BBS7: variants seen among roughly 807,000 people sequenced by gnomAD.
BBS7 encodes Bardet-Biedl syndrome 7.
BBS7 carries 50 observed loss-of-function variants against 90.3 expected under a neutral mutation model. The observed-to-expected ratio is 0.55, with a 90% confidence interval of 0.44 to 0.70. The LOEUF is 0.70. Ranked by LOEUF, BBS7 falls within the 30% of genes least tolerant of loss-of-function variation. BBS7 has a pLI of 0.00. For missense variants in BBS7, 729 were observed against 838.9 expected (o/e 0.87, Z 1.62); for synonymous variants, 235 against 287.4 (o/e 0.82, Z 1.85).
chr4:121,828,217 C>T lies in BBS7; in HGVS notation c.1943G>A (p.Cys648Tyr). 6.2e-7 allele frequency: 1 copy of T among 1,613,686 alleles called. No homozygotes were observed. The highest frequency in any genetic ancestry group is 8.5e-7 in the Non-Finnish European group (1 of 1,179,728). ...TAGGTGATCTGCCTCTTCTAGAATA[C>T]AGTGATATTCTGGTATCAGAAAGTT... ...NTNFLIPEYH[C>Y]ILEEADHLQE... The change falls in exon 18 of 19, where the codon TGT becomes TAT. Residue 648 changes from cysteine to tyrosine, a missense_variant. Transcript: ENST00000264499.
intron 5 of BBS7, among the ~76,000 whole-genome samples, chr4:121,857,026 C>T (rs1389953791): frequency 1.3e-5 from 2 of 152,136 alleles, no homozygotes; most frequent in Non-Finnish European, 1.5e-5. Context: ...GCCTCAGCCT[C>T]CCACAGTGCT....
intron 18 of BBS7, 76 bp from the exon 19 acceptor site, chr4:121,826,069 C>T (rs1410123930): frequency 8.2e-7 from 1 of 1,220,758 alleles, no homozygotes; most frequent in East Asian, 2.4e-5. Flanking sequence ...AAAGTAATTG[C>T]TTGATAATCT....
At chr4:121,851,158 G>T (rs6813653) in intron 8 of BBS7, among the ~76,000 whole-genome samples, 1 of 151,814 alleles carries the variant, frequency 6.6e-6, no homozygotes, top group East Asian at 1.9e-4. Context: ...GTTTATCAGG[G>T]AACTATTAAT....
intron 3 of BBS7, among the ~76,000 whole-genome samples, chr4:121,862,661 GGCT>G (rs948231460): frequency 1.6e-4 from 24 of 152,138 alleles, no homozygotes; most frequent in African/African-American, 5.8e-4. Flanking sequence ...ATTTCCTGCT[GGCT>G]TTGATGAATT....
Position 121,828,605 on chromosome 4 carries a change from T to C in BBS7, c.1786+14A>G. 1 of 1,568,434 alleles carries C rather than the reference T, an allele frequency of 6.4e-7. No individual in the cohort carries two copies. ...AATAAACATCAGAAAGAATTATTAA[T>C]TTTGTTTGTTTACCGTATGATATGT... On this transcript the variant is annotated intron_variant, in intron 16 of 18. Coordinates refer to ENST00000264499, the MANE Select transcript of BBS7 (RefSeq NM_176824.3).
chr4:121,833,333 A>C lies in BBS7; in HGVS notation c.1574T>G (p.Val525Gly), dbSNP rs746759579. 2.5e-6 allele frequency: 4 copies of C among 1,614,012 alleles called. No individual in the cohort carries two copies. In the Admixed American group the frequency reaches 6.7e-5, roughly 27 times the overall value. Residue 525 changes from valine (V) to glycine (G), a missense_variant, in exon 15 of 19, where the codon GTT becomes GGT. Transcript: ENST00000264499. ...FSFAEVHSWVVFCLPEVPEKP... is the reference protein window; with the variant it reads ...FSFAEVHSWVGFCLPEVPEKP... ...TTCTGGAACTTCAGGCAGACAAAAA[A>C]CCACCCAGGAGTGAACTTCAGCAAA...
intron 13 of BBS7, 120 bp downstream of exon 13, chr4:121,839,511 C>T: frequency 1.1e-6 from 1 of 872,878 alleles, no homozygotes; most frequent in Non-Finnish European, 1.9e-6. Flanking sequence ...TTCATTACTC[C>T]AAACAATTCA....
chr4:121,863,720 CAT>C (rs1257944173), intron 2 of BBS7, among the ~76,000 whole-genome samples: 4 of 151,834 alleles, frequency 2.6e-5, no homozygotes, highest in African/African-American at 9.7e-5. Context: ...TTGTGACTGA[CAT>C]ATTTAATAAT....
intron 13 of BBS7, among the ~76,000 whole-genome samples, chr4:121,838,706 T>C (rs1348884321): frequency 6.6e-6 from 1 of 151,048 alleles, no homozygotes; most frequent in African/African-American, 2.4e-5. Context: ...CTGGCCAACG[T>C]GGCAAAACCC....
At chr4:121,849,481 G>A (rs1560655012) in intron 8 of BBS7, among the ~76,000 whole-genome samples, 1 of 152,166 alleles carries the variant, frequency 6.6e-6, no homozygotes, top group Non-Finnish European at 1.5e-5. Context: ...GATTATAGGC[G>A]TGAACCACAG....
intron 13 of BBS7, among the ~76,000 whole-genome samples, chr4:121,835,976 A>G (rs1725433123): frequency 6.6e-6 from 1 of 152,186 alleles, no homozygotes; most frequent in Non-Finnish European, 1.5e-5. Flanking sequence ...TACATGTACA[A>G]AAAAAGAGAG....
intron 2 of BBS7, 21 bp from the exon 3 acceptor site, chr4:121,863,300 T>A (rs1310705282): frequency 1.3e-6 from 2 of 1,587,008 alleles, no homozygotes; most frequent in African/African-American, 1.3e-5. Flanking sequence ...TGGAAGATAA[T>A]CTAAAATTAC....
intron 2 of BBS7, 137 bp from the exon 3 acceptor site, chr4:121,863,416 C>A: frequency 1.5e-6 from 1 of 685,372 alleles, no homozygotes. Flanking sequence ...GACACCCCCA[C>A]AAAAAATAAT....
Position 121,828,387 on chromosome 4 carries a change from G to T in BBS7, c.1890+15C>A, listed in dbSNP as rs761350391. On this transcript the variant is annotated intron_variant, in intron 17 of 18. Transcript: ENST00000264499. ...CAAATAATAATCACCAGTCCACGAC[G>T]ACACATGTACTTACTTTTAAAGCAT... 1 of 1,604,976 alleles carries T rather than the reference G, an allele frequency of 6.2e-7. No homozygotes were observed. Among genetic ancestry groups the T allele is most frequent in the African/African-American group, 1.3e-5 (1 of 74,822 alleles).
intron 7 of BBS7, among the ~76,000 whole-genome samples, chr4:121,853,548 T>C (rs918716958): frequency 6.6e-6 from 1 of 151,576 alleles, no homozygotes; most frequent in African/African-American, 2.4e-5. Context: ...ATATCAAAAC[T>C]GCTAGCAAAT....
rs759359910 is a variant in BBS7, at chr4:121,828,464, G to C, written c.1828C>G (p.His610Asp). The change falls in exon 17 of 19, where the codon CAC (histidine) becomes GAC (aspartate). Residue 610 changes from histidine to aspartate, a missense_variant. His to Asp is a moderately conservative substitution (Grantham distance 81). Transcript: ENST00000264499. ...AGCAACTGGTACTCCAGCTTTGGGT[G>C]GATTAGCTTTAAAGTGTGTTTGACT... ...VSVKHTLKLI[H>D]PKLEYQLLLA... The C allele has an allele frequency of 1.9e-6, 3 of 1,613,880 alleles. No individual in the cohort carries two copies. The highest frequency in any genetic ancestry group is 1.7e-6 in the Non-Finnish European group (2 of 1,179,892).
intron 5 of BBS7, 83 bp from the exon 6 acceptor site, chr4:121,855,644 T>C: frequency 8.4e-7 from 1 of 1,190,780 alleles, no homozygotes; most frequent in Non-Finnish European, 1.2e-6. Context: ...AATATTCAAA[T>C]ACAGTACTCT....
intron 1 of BBS7, 31 bp from the exon 2 acceptor site, chr4:121,868,077 T>C: frequency 6.4e-7 from 1 of 1,566,748 alleles, no homozygotes; most frequent in Non-Finnish European, 8.8e-7. Flanking sequence ...CCTAGTGAAT[T>C]TAATTTGAAG....
chr4:121,824,732 TTAAAA>T lies in BBS7; in HGVS notation c.*1123_*1127del, dbSNP rs1468353429. The stretch of plus-strand genomic sequence containing the variant: ...ACATAGTAAAAACAATATGACCTTA[TTAAAA>T]TAAAACTCTCTTAACTATACGTGCC... On this transcript the variant is annotated 3_prime_UTR_variant, in exon 19 of 19. Transcript: ENST00000264499. The surrounding 1 kb of genome is among the most constrained non-coding windows in gnomAD (Gnocchi z 4.1). 1.3e-5 allele frequency: 2 copies of T among 151,944 alleles called. No individual in the cohort carries two copies. Among genetic ancestry groups the T allele is most frequent in the African/African-American group, 4.8e-5 (2 of 41,416 alleles). The allele number at this position is 151,944 out of a possible 1,614,324, so 9.4% of individuals were successfully genotyped here. A position where few individuals can be genotyped will look rare whatever the true frequency, so the allele number is the denominator to read the frequency against.
Sources: gnomAD v4.1 joint callset for allele counts (sites outside exome capture counted in the v4.1 genomes callset) on GRCh38, gnomAD v4.1.1 for gene constraint, Gnocchi (gnomAD v3.1) non-coding constraint, MANE v1.5 for transcripts, NCBI Gene and HGNC (gene_info 2026-07-23, HGNC 2026-07-21) for gene names.